RAD51B: variants seen among roughly 807,000 people sequenced by gnomAD.
RAD51B encodes RAD51 paralog B.
Under a neutral mutation model 42.2 loss-of-function variants are expected in RAD51B, and 38 were observed. That is an observed-to-expected ratio of 0.90 (90% CI 0.70 to 1.18). The LOEUF (loss-of-function observed/expected upper bound fraction) is 1.18. RAD51B is among the 50% of genes most tolerant of loss of function. RAD51B has a pLI of 0.00. For synonymous variants in RAD51B, 154 were observed against 145.2 expected (o/e 1.06, Z -0.43); for missense variants, 373 against 400.7 (o/e 0.93, Z 0.59).
At chr14:68,363,073 C>G (rs1428846419) in intron 8 of RAD51B, among the ~76,000 whole-genome samples, 2 of 152,194 alleles carry the variant, frequency 1.3e-5, no homozygotes, top group Non-Finnish European at 2.9e-5. Flanking sequence ...CAGCTACTTT[C>G]AAATCGCAGT....
chr14:67,959,333 G>A (rs1479445877), intron 7 of RAD51B, among the ~76,000 whole-genome samples: 2 of 151,706 alleles, frequency 1.3e-5, no homozygotes, highest in African/African-American at 4.8e-5. Flanking sequence ...TGCAAGCTCC[G>A]CCTCCTGGGT....
intron 10 of RAD51B, among the ~76,000 whole-genome samples, chr14:68,537,447 C>T (rs1053859597): frequency 1.3e-5 from 2 of 150,694 alleles, no homozygotes; most frequent in African/African-American, 2.4e-5. Flanking sequence ...TGCAGTGAGC[C>T]GAGATCGCGC....
chr14:68,105,073 T>C (rs1027856706), intron 7 of RAD51B, among the ~76,000 whole-genome samples: 3 of 152,018 alleles, frequency 2.0e-5, no homozygotes, highest in Non-Finnish European at 4.4e-5. Context: ...GGAGAAACTT[T>C]AGTTTGAAAA....
At chr14:68,243,751 C>T (rs2080439100) in intron 7 of RAD51B, among the ~76,000 whole-genome samples, 1 of 152,120 alleles carries the variant, frequency 6.6e-6, no homozygotes, top group Non-Finnish European at 1.5e-5. Flanking sequence ...TCTGGGTTAC[C>T]GTGTTGATCT....
chr14:68,552,597 T>C (rs901902259), intron 10 of RAD51B, among the ~76,000 whole-genome samples: 2 of 152,118 alleles, frequency 1.3e-5, no homozygotes, highest in African/African-American at 4.8e-5. Flanking sequence ...AAAGTTCCCA[T>C]GAAAGGAGAA....
At chr14:68,231,021 C>T (rs1354912520) in intron 7 of RAD51B, among the ~76,000 whole-genome samples, 4 of 152,128 alleles carry the variant, frequency 2.6e-5, no homozygotes, top group Non-Finnish European at 4.4e-5. Flanking sequence ...TCTTTGAGGG[C>T]TTTGACTAGG....
At chr14:68,119,507 C>T (rs2077609316) in intron 7 of RAD51B, among the ~76,000 whole-genome samples, 1 of 132,464 alleles carries the variant, frequency 7.5e-6, no homozygotes, top group African/African-American at 2.9e-5. Flanking sequence ...TGTGACGTTC[C>T]CCTTCATGTG....
intron 8 of RAD51B, among the ~76,000 whole-genome samples, chr14:68,376,950 A>C (rs2083382574): frequency 6.6e-6 from 1 of 152,206 alleles, no homozygotes; most frequent in Non-Finnish European, 1.5e-5. Flanking sequence ...GTTCAGCTCC[A>C]ATAAAGAGGA....
At chr14:68,173,218 T>C (rs1218764426) in intron 7 of RAD51B, among the ~76,000 whole-genome samples, 5 of 152,254 alleles carry the variant, frequency 3.3e-5, no homozygotes, top group African/African-American at 1.2e-4. Flanking sequence ...GTTTTGTTTC[T>C]TATTTATAAT....
rs1049792361 is a variant in RAD51B, at chr14:68,072,135, T to A, written c.756+184931T>A. On this transcript the variant is annotated intron_variant, in intron 7 of 10. Coordinates refer to ENST00000471583, the MANE Select transcript of RAD51B (RefSeq NM_133510.4). ...AAAAATATATAAAATATATATATAA[T>A]TATATATATATTTTATATATATTTT... 3.1e-3 allele frequency among the ~76,000 whole-genome samples: 402 copies of A among 131,046 alleles called. 6 individuals carry two copies. The highest frequency in any genetic ancestry group is 0.011 in the African/African-American group (380 of 34,034). 86.0% of individuals were successfully genotyped at this position (131,046 alleles called of 152,430 possible). A position where few individuals can be genotyped will look rare whatever the true frequency, so the allele number is the denominator to read the frequency against.
intron 7 of RAD51B, among the ~76,000 whole-genome samples, chr14:68,040,979 T>G (rs2140395156): frequency 6.6e-6 from 1 of 152,358 alleles, no homozygotes; most frequent in Non-Finnish European, 1.5e-5. Flanking sequence ...TGATCTGGTT[T>G]GGCTCTGTGT....
At chr14:68,395,023 A>T (rs1418342557) in intron 8 of RAD51B, among the ~76,000 whole-genome samples, 1 of 152,070 alleles carries the variant, frequency 6.6e-6, no homozygotes, top group Non-Finnish European at 1.5e-5. Context: ...TTCAGGCATC[A>T]ATGGGAAACA....
intron 11 of RAD51B, among the ~76,000 whole-genome samples, chr14:68,673,802 A>C (rs1312298812): frequency 1.3e-5 from 2 of 152,060 alleles, no homozygotes; most frequent in Non-Finnish European, 2.9e-5. Context: ...ATGCACACAT[A>C]TATACATGTA....
At chr14:68,419,809 G>C (rs1163476659) in intron 9 of RAD51B, among the ~76,000 whole-genome samples, 1 of 145,732 alleles carries the variant, frequency 6.9e-6, no homozygotes, top group Non-Finnish European at 1.6e-5. Context: ...AGCAGGGCAG[G>C]ACAGAGGGAG....
intron 7 of RAD51B, among the ~76,000 whole-genome samples, chr14:67,984,830 TATCTC>T (rs1481342932): frequency 2.0e-5 from 3 of 152,244 alleles, no homozygotes; most frequent in African/African-American, 7.2e-5. Context: ...ACAAATATTT[TATCTC>T]ATCCTATATA....
chr14:68,581,884 C>A (rs569829244), intron 10 of RAD51B, among the ~76,000 whole-genome samples: 2 of 152,298 alleles, frequency 1.3e-5, no homozygotes, highest in East Asian at 3.9e-4. Context: ...CTTTGACAAA[C>A]CTGACAAAAG....
intron 7 of RAD51B, among the ~76,000 whole-genome samples, chr14:68,147,905 T>G (rs1181050889): frequency 6.6e-6 from 1 of 152,094 alleles, no homozygotes; most frequent in Non-Finnish European, 1.5e-5. Context: ...ACCCATTAGA[T>G]CATCACCACA....
intron 10 of RAD51B, among the ~76,000 whole-genome samples, chr14:68,586,687 A>G (rs1890497698): frequency 6.6e-6 from 1 of 152,174 alleles, no homozygotes; most frequent in African/African-American, 2.4e-5. Context: ...CCCCATGGAA[A>G]TCCAGTCACC....
intron 7 of RAD51B, among the ~76,000 whole-genome samples, chr14:68,116,794 AG>A (rs948891904): frequency 6.6e-6 from 1 of 152,204 alleles, no homozygotes; most frequent in African/African-American, 2.4e-5. Context: ...GCTTATTTAA[AG>A]AAAAGTCTAT....
Sources: allele counts gnomAD v4.1 joint callset (sites outside exome capture counted in the v4.1 genomes callset), GRCh38; gene constraint gnomAD v4.1.1; transcripts MANE v1.5; gene names NCBI Gene and HGNC (gene_info 2026-07-23, HGNC 2026-07-21).